Variants in PLPP4 observed in about 807,000 individuals in gnomAD.
PLPP4 encodes diacylglycerol pyrophosphate like 2.
In PLPP4, 20 loss-of-function variants were observed where a neutral mutation model predicts 32.2. That is an observed-to-expected ratio of 0.62 (90% CI 0.44 to 0.90). The LOEUF is 0.90. Ranked by LOEUF, PLPP4 falls within the 40% of genes least tolerant of loss-of-function variation. The pLI is 0.00. For missense variants in PLPP4, 257 were observed against 353.1 expected (o/e 0.73, Z 2.18); for synonymous variants, 127 against 133.0 (o/e 0.95, Z 0.31).
chr10:120,528,168 G>A (rs1564817738), intron 5 of PLPP4, among the ~76,000 whole-genome samples: 2 of 138,102 alleles, frequency 1.4e-5, no homozygotes, highest in African/African-American at 5.4e-5. Flanking sequence ...TCCGCCTGCC[G>A]GGTTCACGCC....
intron 5 of PLPP4, among the ~76,000 whole-genome samples, chr10:120,539,320 C>T: frequency 6.6e-6 from 1 of 152,164 alleles, no homozygotes; most frequent in African/African-American, 2.4e-5. Context: ...ATTCTGTGGT[C>T]TCTTTCAGCC....
chr10:120,571,197 T>C (rs1300299168), intron 5 of PLPP4, among the ~76,000 whole-genome samples: 1 of 147,158 alleles, frequency 6.8e-6, no homozygotes, highest in Non-Finnish European at 1.5e-5. Flanking sequence ...AGACTCTGAA[T>C]ATCCTCTCAT....
chr10:120,528,076 T>G lies in PLPP4; in HGVS notation c.445+6981T>G, dbSNP rs979847974. On this transcript the variant is annotated intron_variant, in intron 5 of 6. Transcript: ENST00000398250. ...TGAAAAATACCACTCTCCGTTTTTT[T>G]TTTTTTTTTTTTTTTTGAGGCGGAG... is the stretch of plus-strand genomic sequence containing the variant. Among the ~76,000 whole-genome samples the G allele has an allele frequency of 4.3e-5, 6 of 138,884 alleles. No homozygotes were observed. The South Asian group carries it at 7.5e-4, about 17-fold the overall frequency. The allele number at this position is 138,884 out of a possible 152,430, so 91.1% of individuals were successfully genotyped here. A position where few individuals can be genotyped will look rare whatever the true frequency, so the allele number is the denominator to read the frequency against.
intron 2 of PLPP4, among the ~76,000 whole-genome samples, chr10:120,512,235 A>G (rs977584681): frequency 3.9e-5 from 6 of 152,248 alleles, no homozygotes; most frequent in Admixed American, 3.9e-4. Flanking sequence ...CTCTTAACTC[A>G]GGAGTGTTGC....
chr10:120,511,587 C>A (rs893029990), intron 2 of PLPP4, among the ~76,000 whole-genome samples: 1 of 152,128 alleles, frequency 6.6e-6, no homozygotes, highest in Admixed American at 6.5e-5. Context: ...GGTCTGTATG[C>A]AGTGCTTAAA....
chr10:120,526,619 A>T (rs537204546), intron 5 of PLPP4, among the ~76,000 whole-genome samples: 1 of 152,102 alleles, frequency 6.6e-6, no homozygotes, highest in African/African-American at 2.4e-5. Flanking sequence ...CCTATTTTCC[A>T]TCTGTTTGTT....
chr10:120,551,636 C>A (rs1847908331), intron 5 of PLPP4, among the ~76,000 whole-genome samples: 1 of 152,110 alleles, frequency 6.6e-6, no homozygotes, highest in Admixed American at 6.5e-5. Flanking sequence ...CAAGCACAAT[C>A]AAAACTAGTC....
In PLPP4 at chr10:120,547,607, A is replaced by T. The variant is rs150356224; in HGVS notation, c.445+26512A>T. 4.9e-3 allele frequency among the ~76,000 whole-genome samples: 752 copies of T among 152,330 alleles called. 7 individuals carry two copies. The highest frequency in any genetic ancestry group is 0.017 in the African/African-American group (723 of 41,590). On this transcript the variant is annotated intron_variant, in intron 5 of 6. Coordinates refer to ENST00000398250, the MANE Select transcript of PLPP4 (RefSeq NM_001030059.3). ...AGTACAATGTGAAACTTCTTGACCC[A>T]TGTGAAAAACTGAGAGACATCCCTT...
At chr10:120,532,633 AC>A (rs1236470357) in intron 5 of PLPP4, among the ~76,000 whole-genome samples, 1 of 151,748 alleles carries the variant, frequency 6.6e-6, no homozygotes, top group African/African-American at 2.4e-5. Flanking sequence ...ACCTCTCCCC[AC>A]CCTTCTCTAT....
intron 5 of PLPP4, among the ~76,000 whole-genome samples, chr10:120,567,590 T>C (rs1322084074): frequency 1.3e-5 from 2 of 152,244 alleles, no homozygotes; most frequent in African/African-American, 4.8e-5. Flanking sequence ...CTCAATTTGT[T>C]GTCTGGGGCA....
chr10:120,569,011 G>A (rs1353043109), intron 5 of PLPP4, among the ~76,000 whole-genome samples: 1 of 152,120 alleles, frequency 6.6e-6, no homozygotes, highest in Non-Finnish European at 1.5e-5. Flanking sequence ...GGCCAAGGTG[G>A]GTGGATCACT....
intron 5 of PLPP4, among the ~76,000 whole-genome samples, chr10:120,560,473 G>A (rs569387847): frequency 6.6e-6 from 1 of 152,226 alleles, no homozygotes; most frequent in Non-Finnish European, 1.5e-5. Context: ...AATAATGGCA[G>A]ACTGGGCGCA....
intron 5 of PLPP4, among the ~76,000 whole-genome samples, chr10:120,552,992 A>G (rs573496993): frequency 6.6e-6 from 1 of 152,322 alleles, no homozygotes; most frequent in African/African-American, 2.4e-5. Flanking sequence ...AGAGTTCTCA[A>G]CATTCGAGTT....
At chr10:120,552,161 G>A (rs1009959864) in intron 5 of PLPP4, among the ~76,000 whole-genome samples, 1 of 92,420 alleles carries the variant, frequency 1.1e-5, no homozygotes, top group East Asian at 3.6e-4. Flanking sequence ...GTTAGTGGTG[G>A]TGGGGTGTGT....
chr10:120,499,504 C>T (rs1845135852), intron 1 of PLPP4, among the ~76,000 whole-genome samples: 1 of 151,974 alleles, frequency 6.6e-6, no homozygotes, highest in Non-Finnish European at 1.5e-5. Context: ...TGGAGAAGAT[C>T]CCCTGGGGAT....
rs563286693 is a variant in PLPP4 at position 120,563,108 on chromosome 10, A to G, written c.446-12023A>G. On this transcript the variant is annotated intron_variant, in intron 5 of 6. Transcript: ENST00000398250. Reference sequence around the variant, plus strand: ...ACAAAAATTAGCCAGGCATGTTGGCAGATACCTATAATCCCAGCTAGTTGA... The same window carrying G: ...ACAAAAATTAGCCAGGCATGTTGGCGGATACCTATAATCCCAGCTAGTTGA... 3.1e-4 allele frequency among the ~76,000 whole-genome samples: 47 copies of G among 152,262 alleles called. No individual in the cohort carries two copies. In the East Asian group the frequency reaches 7.6e-3, roughly 24 times the overall value.
chr10:120,551,855 G>A (rs1477169144), intron 5 of PLPP4, among the ~76,000 whole-genome samples: 3 of 152,120 alleles, frequency 2.0e-5, no homozygotes, highest in Non-Finnish European at 4.4e-5. Flanking sequence ...TGCATAAGTT[G>A]CTCCTTCTCA....
intron 1 of PLPP4, chr10:120,503,514 C>A: frequency 1.3e-6 from 2 of 1,576,618 alleles, no homozygotes. Flanking sequence ...ATTCTGACTT[C>A]AGTTTCCAGT....
At chr10:120,465,845 C>CT (rs1848282251) in intron 1 of PLPP4, among the ~76,000 whole-genome samples, 1 of 152,046 alleles carries the variant, frequency 6.6e-6, no homozygotes, top group South Asian at 2.1e-4. Context: ...TTTTGTGTGA[C>CT]TTTTTTGTTG....
Sources: allele counts gnomAD v4.1 joint callset (sites outside exome capture counted in the v4.1 genomes callset), GRCh38; gene constraint gnomAD v4.1.1; transcripts MANE v1.5; gene names NCBI Gene and HGNC (gene_info 2026-07-23, HGNC 2026-07-21).